PRIM2: variants seen among roughly 807,000 people sequenced by gnomAD.
The protein encoded by PRIM2 is DNA primase large subunit.
PRIM2 carries 39 observed loss-of-function variants against 67.3 expected under a neutral mutation model. The ratio of observed to expected loss-of-function variants is 0.58; its 90% CI spans 0.45 to 0.76. The LOEUF (loss-of-function observed/expected upper bound fraction) is 0.76. Among genes scored for constraint, PRIM2 ranks in the 30% least tolerant of loss-of-function variants. PRIM2 has a pLI of 0.00. For synonymous variants in PRIM2, 143 were observed against 198.7 expected (o/e 0.72, Z 2.36); for missense variants, 398 against 598.7 (o/e 0.66, Z 3.50).
At chr6:57,531,972 A>G (rs1408631144) in intron 8 of PRIM2, among the ~76,000 whole-genome samples, 16 of 152,152 alleles carry the variant, frequency 1.1e-4, no homozygotes, top group African/African-American at 3.9e-4. Flanking sequence ...AGCAGGCATT[A>G]TTATCGCCAT....
At chr6:57,576,480 C>G in intron 10 of PRIM2, among the ~76,000 whole-genome samples, 1 of 152,168 alleles carries the variant, frequency 6.6e-6, no homozygotes, top group East Asian at 1.9e-4. Flanking sequence ...CCTTCCTTGG[C>G]AGAGCCATCT....
At chr6:57,267,349 G>A in the PRIM2 span, among the ~76,000 whole-genome samples, 2 of 152,290 alleles carry the variant, frequency 1.3e-5, no homozygotes, top group South Asian at 4.1e-4. Flanking sequence ...TGATCAGGGA[G>A]TGGGCAAGTA....
the PRIM2 span, among the ~76,000 whole-genome samples, chr6:57,292,303 C>A: frequency 6.6e-6 from 1 of 152,080 alleles, no homozygotes; most frequent in Non-Finnish European, 1.5e-5. Context: ...TGTGAAGGAC[C>A]TCTTCAAGGA....
intron 5 of PRIM2, among the ~76,000 whole-genome samples, chr6:57,368,053 T>C (rs1368808046): frequency 6.6e-6 from 1 of 152,238 alleles, no homozygotes; most frequent in African/African-American, 2.4e-5. Flanking sequence ...CAGTATTTGC[T>C]ACCAATATAG....
intron 7 of PRIM2, among the ~76,000 whole-genome samples, chr6:57,476,044 A>T (rs1241559405): frequency 1.1e-3 from 163 of 152,050 alleles, no homozygotes; most frequent in African/African-American, 3.7e-3. Context: ...GTGTTTTTTT[A>T]AAAAAATCAT....
rs1333280576 is a variant in PRIM2 at position 57,537,535 on chromosome 6, C to T, written c.930C>T (p.Gly310=). 17 of 1,589,188 alleles carry T rather than the reference C, an allele frequency of 1.1e-5. No individual in the cohort carries two copies. In the African/African-American group the frequency reaches 1.5e-4, roughly 14 times the overall value. ...GTCATGGAGGCCGAATGCAGTATGG[C>T]CTATTTCTGAAGGGCATTGGTTTAA... The part of the protein sequence containing the change: ...HLRHGGRMQY[G]LFLKGIGLTL... Residue 310 remains glycine, a synonymous_variant, in exon 10 of 14, where the codon GGC becomes GGT. Transcript: ENST00000615550.
the PRIM2 span, among the ~76,000 whole-genome samples, chr6:57,281,295 CT>C: frequency 6.6e-6 from 1 of 152,008 alleles, no homozygotes; most frequent in Non-Finnish European, 1.5e-5. Context: ...TATTCATTTC[CT>C]TTCTTTTGTA....
intron 7 of PRIM2, among the ~76,000 whole-genome samples, chr6:57,408,401 C>G (rs1334628443): frequency 4.6e-5 from 7 of 152,146 alleles, no homozygotes; most frequent in Non-Finnish European, 8.8e-5. Context: ...GCATATGGCT[C>G]AGGTGATTGG....
At chr6:57,536,021 C>T (rs1202106562) in intron 9 of PRIM2, among the ~76,000 whole-genome samples, 1 of 152,088 alleles carries the variant, frequency 6.6e-6, no homozygotes, top group Non-Finnish European at 1.5e-5. Context: ...AAAATGGTCT[C>T]ATGAAAAGGA....
intron 5 of PRIM2, among the ~76,000 whole-genome samples, chr6:57,376,272 C>T (rs112610366): frequency 0.048 from 7,269 of 152,142 alleles, 312 homozygotes; most frequent in African/African-American, 0.11. Context: ...CCTCAGCCTC[C>T]CAAGTAGCTG....
intron 10 of PRIM2, among the ~76,000 whole-genome samples, chr6:57,544,581 C>A (rs1456652514): frequency 6.6e-6 from 1 of 152,066 alleles, no homozygotes; most frequent in Non-Finnish European, 1.5e-5. Context: ...ATTTTTCTTG[C>A]CTTTTGAAAC....
chr6:57,601,291 G>A, intron 11 of PRIM2, 72 bp downstream of exon 11: 1 of 1,456,400 alleles, frequency 6.9e-7, no homozygotes, highest in Non-Finnish European at 9.1e-7. Context: ...CTGAAACAAT[G>A]TTGTGGCTTT....
chr6:57,288,007 TC>T, the PRIM2 span, among the ~76,000 whole-genome samples: 5 of 152,120 alleles, frequency 3.3e-5, no homozygotes, highest in Non-Finnish European at 7.4e-5. Flanking sequence ...GCCAGGGATT[TC>T]CCGTTCCTAG....
the PRIM2 span, among the ~76,000 whole-genome samples, chr6:57,241,000 A>G: frequency 6.6e-6 from 1 of 151,846 alleles, no homozygotes; most frequent in Non-Finnish European, 1.5e-5. Flanking sequence ...TGAGGTGGGC[A>G]GATCACGAGG....
At chr6:57,319,963 T>A (rs1438478145) in intron 2 of PRIM2, among the ~76,000 whole-genome samples, 2 of 152,216 alleles carry the variant, frequency 1.3e-5, no homozygotes, top group Admixed American at 6.5e-5. Flanking sequence ...TTGAACAGTA[T>A]GTAGCATCTG....
chr6:57,374,647 G>T (rs1769694628), intron 5 of PRIM2, among the ~76,000 whole-genome samples: 1 of 152,114 alleles, frequency 6.6e-6, no homozygotes, highest in South Asian at 2.1e-4. Context: ...CTGGACTGCA[G>T]TGGCGCGATC....
At chr6:57,479,124 C>A (rs1773551449) in intron 7 of PRIM2, among the ~76,000 whole-genome samples, 1 of 152,084 alleles carries the variant, frequency 6.6e-6, no homozygotes, top group Non-Finnish European at 1.5e-5. Context: ...CCAGCCTAGG[C>A]ATCAAGAACA....
intron 8 of PRIM2, among the ~76,000 whole-genome samples, chr6:57,532,052 AT>A (rs1393017543): frequency 5.0e-4 from 76 of 152,236 alleles, no homozygotes; most frequent in Non-Finnish European, 8.4e-4. Flanking sequence ...TTAAGTGATG[AT>A]TCCCAATTTA....
intron 7 of PRIM2, among the ~76,000 whole-genome samples, chr6:57,504,891 G>T (rs1191464265): frequency 2.6e-5 from 4 of 152,170 alleles, no homozygotes; most frequent in Admixed American, 2.6e-4. Context: ...AATTTGAAAA[G>T]CTTTATGAAA....
Sources: allele counts gnomAD v4.1 joint callset (sites outside exome capture counted in the v4.1 genomes callset), GRCh38; gene constraint gnomAD v4.1.1; transcripts MANE v1.5; gene names NCBI Gene and HGNC (gene_info 2026-07-23, HGNC 2026-07-21).